Variants in FGF21 observed in about 807,000 individuals in gnomAD.
The protein encoded by FGF21 is fibroblast growth factor 21.
Under a neutral mutation model 13.4 loss-of-function variants are expected in FGF21, and 13 were observed. That is an observed-to-expected ratio of 0.97 (90% CI 0.63 to 1.54). FGF21 has a LOEUF of 1.54. Ranked by LOEUF, FGF21 falls within the 40% of genes most tolerant of loss-of-function variation. The pLI is 0.00. For missense variants in FGF21, 303 were observed against 272.4 expected (o/e 1.11, Z -0.79); for synonymous variants, 124 against 123.6 (o/e 1.00, Z -0.02).
intron 2 of FGF21, 30 bp downstream of exon 2, chr19:48,756,501 G>A (rs762832967): frequency 3.1e-6 from 5 of 1,592,548 alleles, no homozygotes; most frequent in Admixed American, 1.7e-5. Context: ...TGGGTCTGAG[G>A]GAGGAGGGGC....
intron 2 of FGF21, 85 bp from the exon 3 acceptor site, chr19:48,756,830 GGCTGGGACAGA>G (rs1483950302): frequency 1.0e-6 from 1 of 1,004,444 alleles, no homozygotes; most frequent in African/African-American, 1.6e-5. Context: ...GGACTCCCAG[GGCTGGGACAGA>G]GCCGGATGGT....
Position 48,756,103 on chromosome 19 carries a change from C to A in FGF21, c.-134C>A, listed in dbSNP as rs1159094279. ...AAGGGTGTTCTGTCAGCTGAGGATCCAGCCGAAAGAGGAGCCAGGCACTCA... is the reference window on the plus strand; with the variant it reads ...AAGGGTGTTCTGTCAGCTGAGGATCAAGCCGAAAGAGGAGCCAGGCACTCA... On this transcript the variant is annotated 5_prime_UTR_variant, in exon 2 of 4. Transcript: ENST00000593756. 3 of 672,094 alleles carry A rather than the reference C, an allele frequency of 4.5e-6. No homozygotes were observed. The highest frequency in any genetic ancestry group is 1.8e-5 in the African/African-American group (1 of 55,126). The allele number at this position is 672,094 out of a possible 1,614,324, so 41.6% of individuals were successfully genotyped here.
rs377368937 is a variant in FGF21 at position 48,756,505 on chromosome 19, G to A, written c.235+34G>A. ...GGGCCAGAGCCTGGGTCTGAGGGAG[G>A]AGGGGCTGTGGGTCTGGATTCCTGG... On this transcript the variant is annotated intron_variant, in intron 2 of 3. Transcript: ENST00000593756. The A allele has an allele frequency of 1.2e-3, 1,980 of 1,585,276 alleles. 3 individuals carry two copies. The highest frequency in any genetic ancestry group is 1.6e-3 in the Non-Finnish European group (1,846 of 1,165,022).
At chr19:48,757,561 G>A (rs1355374600) in intron 3 of FGF21, among the ~76,000 whole-genome samples, 1 of 151,828 alleles carries the variant, frequency 6.6e-6, no homozygotes, top group Non-Finnish European at 1.5e-5. Context: ...CCTAGAGGAG[G>A]GGCTGGGGGC....
Position 48,757,029 on chromosome 19 carries a change from G to C in FGF21, c.339G>C (p.Ser113=). The change falls in exon 3 of 4, where the codon TCG becomes TCC. Residue 113 remains serine, a splice_region_variant and synonymous_variant. Coordinates refer to ENST00000593756, the MANE Select transcript of FGF21 (RefSeq NM_019113.4). ...GGCCAGATGGGGCCCTGTATGGATC[G>C]GTGAGTTTCCAGGACCCTCCTCACC... The part of the protein sequence containing the change: ...CQRPDGALYG[S]LHFDPEACSF... The C allele has an allele frequency of 1.9e-6, 3 of 1,612,468 alleles. No individual in the cohort carries two copies. Among genetic ancestry groups the C allele is most frequent in the Non-Finnish European group, 1.7e-6 (2 of 1,178,642 alleles).
chr19:48,755,965 A>C lies in FGF21; in HGVS notation c.-272A>C. ...TTCAGGCTGCCCTTGCCACGATGGA[A>C]TTCTGTAGCTCCTGCCAAATGGGTC... On this transcript the variant is annotated 5_prime_UTR_variant, in exon 2 of 4. Transcript: ENST00000593756. 7.1e-6 allele frequency: 3 copies of C among 424,162 alleles called. No homozygotes were observed. Among genetic ancestry groups the C allele is most frequent in the Non-Finnish European group, 1.3e-5 (3 of 235,468 alleles). The allele number at this position is 424,162 out of a possible 1,614,324, so 26.3% of individuals were successfully genotyped here. A position where few individuals can be genotyped will look rare whatever the true frequency, so the allele number is the denominator to read the frequency against.
intron 2 of FGF21, 64 bp from the exon 3 acceptor site, chr19:48,756,862 C>A (rs8109953): frequency 8.7e-6 from 11 of 1,259,072 alleles, no homozygotes; most frequent in African/African-American, 1.5e-5. Context: ...GGGACAGAGT[C>A]GGGTGGTGGG....
At position 48,756,117 on chromosome 19, in the gene FGF21, G is replaced by GC; in HGVS notation, c.-118dup. The GC allele has an allele frequency of 1.3e-6, 1 of 755,278 alleles. No homozygotes were observed. The highest frequency in any genetic ancestry group is 2.1e-6 in the Non-Finnish European group (1 of 468,364). 46.8% of individuals were successfully genotyped at this position (755,278 alleles called of 1,614,324 possible). On this transcript the variant is annotated 5_prime_UTR_variant, in exon 2 of 4. Transcript: ENST00000593756. Reference sequence around the variant, plus strand: ...AGCTGAGGATCCAGCCGAAAGAGGAGCCAGGCACTCAGGCCACCTGAGTCT... The same window carrying GC: ...AGCTGAGGATCCAGCCGAAAGAGGAGCCCAGGCACTCAGGCCACCTGAGTCT...
intron 2 of FGF21, 135 bp downstream of exon 2, chr19:48,756,606 TCTGAGGGAGGAGGGGCTGGGGATCTGGGC>T: frequency 7.2e-6 from 5 of 697,942 alleles, no homozygotes; most frequent in East Asian, 6.1e-5. Context: ...GACTCCTGGG[TCTGAGGGAGGAGGGGCTGGGGATCTGGGC>T]CCCTGGGTCT....
In FGF21 at chr19:48,757,923, C is replaced by G; in HGVS notation, c.340-7C>G. The G allele has an allele frequency of 6.5e-7, 1 of 1,537,222 alleles. No homozygotes were observed. Among genetic ancestry groups the G allele is most frequent in the Non-Finnish European group, 8.8e-7 (1 of 1,142,400 alleles). ...ACCCTGTCTCTGATCCTGTTTTTGTCCCCTAGCTCCACTTTGACCCTGAGG... is the reference window on the plus strand; with the variant it reads ...ACCCTGTCTCTGATCCTGTTTTTGTGCCCTAGCTCCACTTTGACCCTGAGG... On this transcript the variant is annotated splice_region_variant and splice_polypyrimidine_tract_variant and intron_variant, in intron 3 of 3. Coordinates refer to ENST00000593756, the MANE Select transcript of FGF21 (RefSeq NM_019113.4).
chr19:48,758,187 T>G lies in FGF21; in HGVS notation c.597T>G (p.Pro199=). 6.2e-7 allele frequency: 1 copy of G among 1,611,556 alleles called. No individual in the cohort carries two copies. Among genetic ancestry groups the G allele is most frequent in the Non-Finnish European group, 8.5e-7 (1 of 1,179,324 alleles). Residue 199 remains proline, a synonymous_variant, in exon 4 of 4, where the codon CCT becomes CCG. Transcript: ENST00000593756. ...GSSDPLSMVG[P]SQGRSPSYAS is the part of the protein sequence containing the mutation. ...CGGACCCTCTGAGCATGGTGGGACC[T>G]TCCCAGGGCCGAAGCCCCAGCTACG...
rs1427500340 is a variant in FGF21 at position 48,757,795 on chromosome 19, C to A, written c.340-135C>A. 10 of 754,532 alleles carry A rather than the reference C, an allele frequency of 1.3e-5. 1 individual carries two copies. Among genetic ancestry groups the A allele is most frequent in the Non-Finnish European group, 1.9e-5 (9 of 474,692 alleles). The allele number at this position is 754,532 out of a possible 1,614,324, so 46.7% of individuals were successfully genotyped here. On this transcript the variant is annotated intron_variant, in intron 3 of 3. Transcript: ENST00000593756. ...GATGGAGGAGAAACTAGGGTCTGGA[C>A]CCCTGGGTCTGAGGGAGGAGGCGCT...
In FGF21 at chr19:48,755,929, T is replaced by C. The variant is rs774414281; in HGVS notation, c.-308T>C. 8 of 333,378 alleles carry C rather than the reference T, an allele frequency of 2.4e-5. No homozygotes were observed. Among genetic ancestry groups the C allele is most frequent in the Non-Finnish European group, 4.4e-5 (8 of 180,342 alleles). The allele number at this position is 333,378 out of a possible 1,614,324, so 20.7% of individuals were successfully genotyped here. On this transcript the variant is annotated 5_prime_UTR_variant, in exon 2 of 4. Transcript: ENST00000593756. Reference sequence around the variant, plus strand: ...GCCCTCCATTGAAAGGACCCCAGGTTACATCATCCATTCAGGCTGCCCTTG... The same window carrying C: ...GCCCTCCATTGAAAGGACCCCAGGTCACATCATCCATTCAGGCTGCCCTTG...
At chr19:48,756,636 C>CTGGACT (rs2034104168) in intron 2 of FGF21, among the ~76,000 whole-genome samples, 165 bp downstream of exon 2, 1 of 135,578 alleles carries the variant, frequency 7.4e-6, no homozygotes, top group Non-Finnish European at 1.6e-5. Context: ...GGATCTGGGC[C>CTGGACT]CCTGGGTCTG....
At position 48,757,921 on chromosome 19, in the gene FGF21, G is replaced by A. The variant is rs1208752823; in HGVS notation, c.340-9G>A. The stretch of plus-strand genomic sequence containing the variant: ...GAACCCTGTCTCTGATCCTGTTTTT[G>A]TCCCCTAGCTCCACTTTGACCCTGA... On this transcript the variant is annotated splice_polypyrimidine_tract_variant and intron_variant, in intron 3 of 3. Transcript: ENST00000593756. The A allele has an allele frequency of 1.3e-6, 2 of 1,530,704 alleles. No homozygotes were observed. Among genetic ancestry groups the A allele is most frequent in the Admixed American group, 2.1e-5 (1 of 47,744 alleles). 94.8% of individuals were successfully genotyped at this position (1,530,704 alleles called of 1,614,324 possible).
At chr19:48,756,704 G>A (rs564214963) in intron 2 of FGF21, among the ~76,000 whole-genome samples, 2 of 151,452 alleles carry the variant, frequency 1.3e-5, no homozygotes, top group African/African-American at 4.9e-5. Context: ...CTGGGGGTCT[G>A]GACTCTTGGG....
intron 2 of FGF21, 46 bp from the exon 3 acceptor site, chr19:48,756,880 C>T (rs539413815): frequency 6.4e-5 from 94 of 1,467,794 alleles, no homozygotes; most frequent in Non-Finnish European, 7.4e-5. Flanking sequence ...GGGACAGTCC[C>T]GGGTGGGAGA....
At chr19:48,757,092 T>C (rs534198038) in intron 3 of FGF21, 63 bp downstream of exon 3, 5 of 1,290,886 alleles carry the variant, frequency 3.9e-6, no homozygotes, top group Non-Finnish European at 5.6e-6. Context: ...CCTCACAGCC[T>C]GGGGTGCCTT....
chr19:48,758,207 G>C lies in FGF21; in HGVS notation c.617G>C (p.Ser206Thr). Residue 206 changes from serine to threonine, a missense_variant, in exon 4 of 4, where the codon AGC (serine) becomes ACC (threonine). Coordinates refer to ENST00000593756, the MANE Select transcript of FGF21 (RefSeq NM_019113.4). The part of the protein sequence containing the change: ...MVGPSQGRSP[S>T]YAS ...GGACCTTCCCAGGGCCGAAGCCCCAGCTACGCTTCCTGAAGCCAGAGGCTG... is the reference window on the plus strand; with the variant it reads ...GGACCTTCCCAGGGCCGAAGCCCCACCTACGCTTCCTGAAGCCAGAGGCTG... 6.2e-7 allele frequency: 1 copy of C among 1,607,244 alleles called. No individual in the cohort carries two copies. The highest frequency in any genetic ancestry group is 8.5e-7 in the Non-Finnish European group (1 of 1,177,824).
Sources: gnomAD v4.1 joint callset for allele counts (sites outside exome capture counted in the v4.1 genomes callset) on GRCh38, gnomAD v4.1.1 for gene constraint, MANE v1.5 for transcripts, NCBI Gene and HGNC (gene_info 2026-07-23, HGNC 2026-07-21) for gene names.